The following MTCH2 variants were observed in gnomAD, a reference collection of about 807,000 sequenced individuals.
MTCH2 encodes the protein mitochondrial carrier 2, also known as mitochondrial carrier homolog 2.
Under a neutral mutation model 50.6 loss-of-function variants are expected in MTCH2, and 25 were observed. The observed-to-expected ratio is 0.49, with a 90% confidence interval of 0.36 to 0.69. The LOEUF is 0.69. Ranked by LOEUF, MTCH2 falls within the 30% of genes least tolerant of loss-of-function variation. The pLI, the probability that MTCH2 is intolerant of heterozygous loss-of-function variation, is 0.00. For missense variants in MTCH2, 273 were observed against 384.4 expected (o/e 0.71, Z 2.42); for synonymous variants, 106 against 132.0 (o/e 0.80, Z 1.35).
chr11:47,638,545 C>CAAAA (rs59317101), intron 3 of MTCH2, among the ~76,000 whole-genome samples, 154 bp downstream of exon 3: 7 of 53,008 alleles, frequency 1.3e-4, no homozygotes, highest in African/African-American at 3.4e-4. Context: ...GACTCCATCT[C>CAAAA]AAAAAAAAAA....
rs375223986 is a variant in MTCH2 at position 47,626,237 on chromosome 11, G to A, written c.682-496C>T. Among the ~76,000 whole-genome samples, 41 of 151,948 alleles carry A rather than the reference G, an allele frequency of 2.7e-4. No individual in the cohort carries two copies. The South Asian group carries it at 8.3e-3, about 31-fold the overall frequency. On this transcript the variant is annotated intron_variant, in intron 10 of 12. Coordinates refer to ENST00000302503, the MANE Select transcript of MTCH2 (RefSeq NM_014342.4). ...AATTTTGTAGTTTTAGTAGAGATGA[G>A]ATTTCTCCAAATTGGCCAAGGTGGT...
At chr11:47,625,520 T>C (rs2097297239) in intron 11 of MTCH2, among the ~76,000 whole-genome samples, 154 bp downstream of exon 11, 1 of 152,060 alleles carries the variant, frequency 6.6e-6, no homozygotes, top group African/African-American at 2.4e-5. Context: ...AATCTTCTAA[T>C]GGTATCAATT....
chr11:47,617,153 G>C (rs2097288932), downstream of MTCH2, among the ~76,000 whole-genome samples: 1 of 152,160 alleles, frequency 6.6e-6, no homozygotes, highest in Non-Finnish European at 1.5e-5. Context: ...AGTATTTTGA[G>C]CAATCCTAGG....
chr11:47,627,175 A>C, intron 9 of MTCH2, 48 bp from the exon 10 acceptor site: 2 of 1,270,626 alleles, frequency 1.6e-6, no homozygotes, highest in Non-Finnish European at 2.2e-6. Flanking sequence ...ACACTACAAC[A>C]CATCAATATA....
At chr11:47,626,982 G>T in intron 10 of MTCH2, 98 bp downstream of exon 10, 2 of 888,382 alleles carry the variant, frequency 2.3e-6, no homozygotes, top group Non-Finnish European at 3.5e-6. Flanking sequence ...GAGACATCTG[G>T]TTATCTTAAA....
At chr11:47,631,601 G>A in intron 6 of MTCH2, 53 bp downstream of exon 6, 1 of 1,573,310 alleles carries the variant, frequency 6.4e-7, no homozygotes, top group Non-Finnish European at 8.7e-7. Context: ...TATCTAAGTG[G>A]TCAGGAGAGA....
intron 9 of MTCH2, among the ~76,000 whole-genome samples, chr11:47,628,169 T>A (rs911182866): frequency 6.6e-6 from 1 of 152,166 alleles, no homozygotes; most frequent in Non-Finnish European, 1.5e-5. Flanking sequence ...GCTGCCGACA[T>A]ACAAGAGGCC....
downstream of MTCH2, among the ~76,000 whole-genome samples, chr11:47,616,964 A>G (rs1037197702): frequency 1.3e-5 from 2 of 152,180 alleles, no homozygotes; most frequent in African/African-American, 4.8e-5. Flanking sequence ...GATTGCAGGC[A>G]TGAGCCATTG....
intron 12 of MTCH2, 105 bp downstream of exon 12, chr11:47,622,596 A>T: frequency 1.1e-6 from 1 of 877,478 alleles, no homozygotes; most frequent in Admixed American, 3.0e-5. Flanking sequence ...CTCTAGCTAA[A>T]GTGAGCTACA....
intron 10 of MTCH2, among the ~76,000 whole-genome samples, chr11:47,626,624 T>C (rs2097298436): frequency 6.6e-6 from 1 of 152,018 alleles, no homozygotes. Flanking sequence ...ATTCTCTCTT[T>C]TTTTTTGAGA....
At chr11:47,616,980 G>A (rs1004618828), downstream of MTCH2, among the ~76,000 whole-genome samples, 1 of 152,072 alleles carries the variant, frequency 6.6e-6, no homozygotes, top group African/African-American at 2.4e-5. Context: ...CATTGCGCCC[G>A]GTCGCATGTG....
At chr11:47,606,476 C>T in the MTCH2 span, among the ~76,000 whole-genome samples, 1 of 152,268 alleles carries the variant, frequency 6.6e-6, no homozygotes, top group East Asian at 1.9e-4. Flanking sequence ...AAATTTTGAA[C>T]TTATCAGAGA....
chr11:47,633,311 C>T (rs1295557163), intron 5 of MTCH2, among the ~76,000 whole-genome samples: 2 of 148,664 alleles, frequency 1.3e-5, no homozygotes, highest in East Asian at 2.0e-4. Context: ...GGGGTTTCAC[C>T]GTGTTAGCCA....
intron 3 of MTCH2, among the ~76,000 whole-genome samples, chr11:47,636,203 G>A (rs1298157717): frequency 1.3e-5 from 2 of 152,064 alleles, no homozygotes; most frequent in Non-Finnish European, 2.9e-5. Context: ...GGAGGCCAAG[G>A]CAGGTGGATC....
downstream of MTCH2, among the ~76,000 whole-genome samples, chr11:47,612,831 CTCCTT>C (rs1422687365): frequency 6.6e-6 from 1 of 151,902 alleles, no homozygotes; most frequent in Non-Finnish European, 1.5e-5. Context: ...AAGATTCTGA[CTCCTT>C]TCAAGTTTAA....
At chr11:47,638,409 C>T (rs1311542608) in intron 3 of MTCH2, among the ~76,000 whole-genome samples, 92 of 137,040 alleles carry the variant, frequency 6.7e-4, no homozygotes, top group Non-Finnish European at 1.1e-3. Flanking sequence ...ATTAGCCGGG[C>T]GCAGTGGCGG....
At chr11:47,607,586 G>A in the MTCH2 span, among the ~76,000 whole-genome samples, 1 of 152,138 alleles carries the variant, frequency 6.6e-6, no homozygotes. Flanking sequence ...TTTACAGATG[G>A]GTGTGTGTTT....
intron 3 of MTCH2, among the ~76,000 whole-genome samples, chr11:47,638,322 G>A (rs897606218): frequency 5.5e-5 from 8 of 146,736 alleles, no homozygotes; most frequent in African/African-American, 2.0e-4. Flanking sequence ...AGCACTTTGG[G>A]AGGCCGAGGC....
At chr11:47,609,368 G>A in the MTCH2 span, among the ~76,000 whole-genome samples, 1 of 146,914 alleles carries the variant, frequency 6.8e-6, no homozygotes, top group South Asian at 2.2e-4. Context: ...TGAGGCAGGA[G>A]AATTGCTTGA....
Sources: allele counts gnomAD v4.1 joint callset (sites outside exome capture counted in the v4.1 genomes callset), GRCh38; gene constraint gnomAD v4.1.1; transcripts MANE v1.5; gene names NCBI Gene and HGNC (gene_info 2026-07-23, HGNC 2026-07-21).